The following TTC7B variants were observed in gnomAD, a reference collection of about 807,000 sequenced individuals.
TTC7B encodes tetratricopeptide repeat protein 7B.
A neutral mutation model predicts 106.8 loss-of-function variants in TTC7B; 28 were observed. The ratio of observed to expected loss-of-function variants is 0.26; its 90% CI spans 0.19 to 0.36. The LOEUF is 0.36. Ranked by LOEUF, TTC7B falls within the 10% of genes least tolerant of loss-of-function variation. The probability of loss-of-function intolerance (pLI) is 1.00; values close to 1 mark genes in which losing one functional copy is unlikely to be tolerated. For missense variants in TTC7B, 862 were observed against 1,076.4 expected, an observed-to-expected ratio of 0.80 and a Z score of 2.79; for synonymous variants, 405 against 430.6, an observed-to-expected ratio of 0.94 and a Z score of 0.74.
intron 3 of TTC7B, among the ~76,000 whole-genome samples, chr14:90,763,961 A>G (rs947042816): frequency 1.1e-4 from 17 of 152,314 alleles, no homozygotes; most frequent in African/African-American, 3.8e-4. Flanking sequence ...TTCTTACACT[A>G]ATTTACAACC....
chr14:90,660,448 A>G (rs903735839), intron 9 of TTC7B, among the ~76,000 whole-genome samples: 4 of 151,356 alleles, frequency 2.6e-5, no homozygotes, highest in African/African-American at 9.7e-5. Context: ...AAAAAGAAAA[A>G]CAATGCAAAA....
intron 17 of TTC7B, chr14:90,605,801 A>C (rs745373361): frequency 8.3e-7 from 1 of 1,206,508 alleles, no homozygotes; most frequent in South Asian, 1.5e-5. Context: ...GCAAAAAAAA[A>C]ACTTTAGAAA....
intron 5 of TTC7B, chr14:90,699,019 C>A: frequency 2.9e-6 from 1 of 350,672 alleles, no homozygotes; most frequent in Non-Finnish European, 5.5e-6. Context: ...CCTTCCAGGG[C>A]TTGTCTGCTG....
chr14:90,708,385 T>C (rs1402635123), intron 5 of TTC7B, among the ~76,000 whole-genome samples: 1 of 152,222 alleles, frequency 6.6e-6, no homozygotes, highest in East Asian at 1.9e-4. Flanking sequence ...CTGACTCTCT[T>C]GCAGGAGCTA....
intron 19 of TTC7B, among the ~76,000 whole-genome samples, chr14:90,567,104 G>T (rs1409882397): frequency 6.6e-6 from 1 of 152,222 alleles, no homozygotes; most frequent in African/African-American, 2.4e-5. Flanking sequence ...CTGTGCAGGG[G>T]AGAGAGGCCT....
In TTC7B at chr14:90,780,924, G is replaced by A. The variant is rs778637089; in HGVS notation, c.277-18C>T. The A allele has an allele frequency of 1.9e-6, 3 of 1,612,556 alleles. No individual in the cohort carries two copies. Among genetic ancestry groups the A allele is most frequent in the Admixed American group, 1.7e-5 (1 of 59,946 alleles). ...AATTCTGACTAGAAGCAAAAGGAGA[G>A]AAAGAAAAGCATTTTCCTACAATAT... On this transcript the variant is annotated intron_variant, in intron 2 of 19. Transcript: ENST00000328459.
intron 1 of TTC7B, among the ~76,000 whole-genome samples, chr14:90,792,782 C>T (rs970218067): frequency 1.3e-5 from 2 of 151,908 alleles, no homozygotes; most frequent in Non-Finnish European, 2.9e-5. Flanking sequence ...AAGCTTGCAC[C>T]AAGAATGTGA....
intron 18 of TTC7B, among the ~76,000 whole-genome samples, chr14:90,592,997 C>T (rs1326338819): frequency 6.6e-6 from 1 of 152,202 alleles, no homozygotes; most frequent in Non-Finnish European, 1.5e-5. Flanking sequence ...CTCTCAGGGA[C>T]TCCAAGAATT....
At chr14:90,744,511 G>T (rs541630357) in intron 4 of TTC7B, among the ~76,000 whole-genome samples, 2 of 152,204 alleles carry the variant, frequency 1.3e-5, no homozygotes, top group South Asian at 4.1e-4. Flanking sequence ...GTTTCACCAT[G>T]TTGGCCAGGC....
rs34712356 is a variant in TTC7B at position 90,756,372 on chromosome 14, CTT to C, written c.446-11452_446-11451del. ...GAAAGATGTTTTATTTTATTTTCTT[CTT>C]TTTTTTTTTGTTTTTTTTTTTTGTT... On this transcript the variant is annotated intron_variant, in intron 3 of 19. Coordinates refer to ENST00000328459, the MANE Select transcript of TTC7B (RefSeq NM_001010854.2). 8.2e-3 allele frequency among the ~76,000 whole-genome samples: 1,151 copies of C among 139,802 alleles called. 14 individuals are homozygous for C. Among genetic ancestry groups the C allele is most frequent in the African/African-American group, 0.028 (1,087 of 39,506 alleles). The allele number at this position is 139,802 out of a possible 152,430, so 91.7% of individuals were successfully genotyped here.
rs1285183644 is a variant in TTC7B at position 90,526,240 on chromosome 14, A to G, written c.*15128T>C. 1 of 152,190 alleles carries G rather than the reference A, an allele frequency of 6.6e-6. No homozygotes were observed. The highest frequency in any genetic ancestry group is 6.5e-5 in the Admixed American group (1 of 15,276). The allele number at this position is 152,190 out of a possible 1,614,324, so 9.4% of individuals were successfully genotyped here. ...GACATCCTAGTGGGTGTAAGGTGGTATCTCTTGGAGTTTTGACTTGCATTT... is the reference window on the plus strand; with the variant it reads ...GACATCCTAGTGGGTGTAAGGTGGTGTCTCTTGGAGTTTTGACTTGCATTT... On this transcript the variant is annotated 3_prime_UTR_variant, in exon 20 of 20. Coordinates refer to ENST00000328459, the MANE Select transcript of TTC7B (RefSeq NM_001010854.2).
chr14:90,671,635 T>C (rs1436903168), intron 9 of TTC7B, among the ~76,000 whole-genome samples: 1 of 152,200 alleles, frequency 6.6e-6, no homozygotes, highest in Non-Finnish European at 1.5e-5. Context: ...ACACAAACCT[T>C]TCAGCAGGGC....
At chr14:90,763,419 T>C (rs901047789) in intron 3 of TTC7B, among the ~76,000 whole-genome samples, 1 of 152,194 alleles carries the variant, frequency 6.6e-6, no homozygotes, top group African/African-American at 2.4e-5. Context: ...GCTAACATCT[T>C]AGTGGTGAAA....
Position 90,600,040 on chromosome 14 carries a change from T to G in TTC7B, c.1967-6414A>C, listed in dbSNP as rs1037967889. Among the ~76,000 whole-genome samples, 3 of 152,176 alleles carry G rather than the reference T, an allele frequency of 2.0e-5. No individual in the cohort carries two copies. The highest frequency in any genetic ancestry group is 4.4e-5 in the Non-Finnish European group (3 of 68,030). The stretch of plus-strand genomic sequence containing the variant: ...TTCTGTCTCTGTGTGTCACCTGTGC[T>G]TGAAGAACCAGAATGTCCTGGGGGC... On this transcript the variant is annotated intron_variant, in intron 17 of 19. Coordinates refer to ENST00000328459, the MANE Select transcript of TTC7B (RefSeq NM_001010854.2). This position sits in a 1 kb window ranked among gnomAD's most constrained non-coding sequence, Gnocchi z 4.3.
chr14:90,669,976 T>G (rs1886569770), intron 9 of TTC7B, among the ~76,000 whole-genome samples: 1 of 152,198 alleles, frequency 6.6e-6, no homozygotes, highest in African/African-American at 2.4e-5. Context: ...ACATGCTGTG[T>G]CTTTATGTGC....
At chr14:90,547,382 G>A (rs145141706) in intron 19 of TTC7B, among the ~76,000 whole-genome samples, 3 of 152,212 alleles carry the variant, frequency 2.0e-5, no homozygotes, top group African/African-American at 4.8e-5. Context: ...CCTCAAGGGC[G>A]CCTGTGCCAG....
At chr14:90,646,530 A>G (rs1248870020) in intron 14 of TTC7B, among the ~76,000 whole-genome samples, 2 of 152,282 alleles carry the variant, frequency 1.3e-5, no homozygotes, top group East Asian at 1.9e-4. Flanking sequence ...CTTCCTGCCA[A>G]TCAATGACAC....
chr14:90,657,206 C>T lies in TTC7B; in HGVS notation c.1309G>A (p.Ala437Thr). Residue 437 changes from alanine to threonine, a missense_variant, in exon 11 of 20, where the codon GCT becomes ACT. By Grantham distance (58) the Ala-to-Thr change is moderately conservative. Transcript: ENST00000328459. The surrounding 1 kb of genome is among the most constrained non-coding windows in gnomAD (Gnocchi z 4.2). ...AGGGAGCCCATGCAGAGCTTGGCAG[C>T]GAGGAGAGGGATGGTGGCATCGTCT... ...KPDDATIPLL[A>T]AKLCMGSLHW... 1.2e-6 allele frequency: 2 copies of T among 1,614,044 alleles called. No individual in the cohort carries two copies. The highest frequency in any genetic ancestry group is 1.7e-6 in the Non-Finnish European group (2 of 1,180,008).
At chr14:90,562,813 C>G (rs1398318111) in intron 19 of TTC7B, among the ~76,000 whole-genome samples, 1 of 152,192 alleles carries the variant, frequency 6.6e-6, no homozygotes, top group Non-Finnish European at 1.5e-5. Context: ...CCCGAATGTC[C>G]CATGCATAAG....
Sources: allele counts gnomAD v4.1 joint callset (sites outside exome capture counted in the v4.1 genomes callset), GRCh38; gene constraint gnomAD v4.1.1; non-coding constraint Gnocchi (gnomAD v3.1); transcripts MANE v1.5; gene names NCBI Gene and HGNC (gene_info 2026-07-23, HGNC 2026-07-21).